Variants in MYT1L observed in about 807,000 individuals in gnomAD.
MYT1L encodes the protein myelin transcription factor 1-like protein.
A neutral mutation model predicts 126.7 loss-of-function variants in MYT1L; 12 were observed. The observed-to-expected ratio is 0.09, with a 90% CI of 0.06 to 0.15. The LOEUF is 0.15. Among genes scored for constraint, MYT1L ranks in the 10% least tolerant of loss-of-function variants. The pLI is 1.00. For missense variants in MYT1L, 979 were observed against 1,585.2 expected, an observed-to-expected ratio of 0.62 and a Z score of 6.49; for synonymous variants, 541 against 604.2, an observed-to-expected ratio of 0.90 and a Z score of 1.53.
intron 3 of MYT1L, among the ~76,000 whole-genome samples, chr2:2,150,905 G>C (rs2085664877): frequency 7.1e-6 from 1 of 140,672 alleles, no homozygotes; most frequent in Non-Finnish European, 1.6e-5. Context: ...GAAGGAGGGA[G>C]GGAGGGAGAC....
chr2:1,810,018 C>T (rs2036334885), intron 21 of MYT1L: 1 of 152,384 alleles, frequency 6.6e-6, no homozygotes, highest in South Asian at 2.1e-4. Context: ...GCCTTCCCTC[C>T]CTTCCAGGGG....
At chr2:2,265,416 TG>T (rs2095102337) in intron 2 of MYT1L, among the ~76,000 whole-genome samples, 1 of 152,122 alleles carries the variant, frequency 6.6e-6, no homozygotes, top group Admixed American at 6.5e-5. Flanking sequence ...GTACATAGCC[TG>T]TGTGGCATAT....
intron 2 of MYT1L, among the ~76,000 whole-genome samples, chr2:2,254,039 C>T (rs2094736943): frequency 6.6e-6 from 1 of 152,134 alleles, no homozygotes; most frequent in South Asian, 2.1e-4. Context: ...AAACCGAAGG[C>T]TCCCTGTGAT....
At chr2:2,263,755 A>G (rs570454197) in intron 2 of MYT1L, among the ~76,000 whole-genome samples, 2 of 152,224 alleles carry the variant, frequency 1.3e-5, no homozygotes, top group African/African-American at 4.8e-5. Flanking sequence ...CGCTCCTGGC[A>G]TCTGGGAGCT....
intron 2 of MYT1L, among the ~76,000 whole-genome samples, chr2:2,227,636 C>T (rs917079050): frequency 1.3e-5 from 2 of 152,202 alleles, no homozygotes; most frequent in Non-Finnish European, 2.9e-5. Context: ...TCCTGGTCTT[C>T]TGTCCTTTTC....
chr2:2,066,504 T>C (rs1391756510), intron 3 of MYT1L, among the ~76,000 whole-genome samples: 4 of 152,254 alleles, frequency 2.6e-5, no homozygotes, highest in Non-Finnish European at 5.9e-5. Context: ...ACATTTGTTG[T>C]GAATTTAAAT....
chr2:2,251,838 A>AAAGG (rs1210336481), intron 2 of MYT1L, among the ~76,000 whole-genome samples: 2 of 151,918 alleles, frequency 1.3e-5, no homozygotes, highest in East Asian at 3.9e-4. Context: ...AAAGAAAAAA[A>AAAGG]AAGGAAGGAA....
intron 3 of MYT1L, among the ~76,000 whole-genome samples, chr2:2,145,947 G>A (rs1208949843): frequency 6.6e-6 from 1 of 152,190 alleles, no homozygotes; most frequent in Non-Finnish European, 1.5e-5. Flanking sequence ...TGCTTAGAAT[G>A]TGAGGAAACA....
intron 3 of MYT1L, among the ~76,000 whole-genome samples, chr2:2,139,677 T>C (rs2083650918): frequency 2.0e-5 from 3 of 151,884 alleles, no homozygotes; most frequent in African/African-American, 7.2e-5. Flanking sequence ...TATAAAAAAG[T>C]GCATGTCCAG....
At chr2:2,206,010 T>A (rs1377501030) in intron 2 of MYT1L, among the ~76,000 whole-genome samples, 1 of 150,998 alleles carries the variant, frequency 6.6e-6, no homozygotes, top group African/African-American at 2.4e-5. Context: ...TGAAACAGGG[T>A]CTCACTTTGT....
chr2:1,924,122 G>GTGTGA (rs1412896066), intron 9 of MYT1L, among the ~76,000 whole-genome samples: 3 of 152,206 alleles, frequency 2.0e-5, no homozygotes, highest in Admixed American at 2.0e-4. Context: ...TTGGTGAGCG[G>GTGTGA]GTATAATGTG....
At position 1,989,411 on chromosome 2, in the gene MYT1L, G is replaced by A. The variant is rs115548327; in HGVS notation, c.-1+7780C>T. ...CAGGAGCTGCAGCCCGGCAATCCCAGGACAGAAGCGAGAGTGCACCCTACA... is the reference window on the plus strand; with the variant it reads ...CAGGAGCTGCAGCCCGGCAATCCCAAGACAGAAGCGAGAGTGCACCCTACA... On this transcript the variant is annotated intron_variant, in intron 5 of 24. Transcript: ENST00000647738. Among the ~76,000 whole-genome samples, 460 of 152,254 alleles carry A rather than the reference G, an allele frequency of 3.0e-3. 2 individuals carry two copies. Among genetic ancestry groups the A allele is most frequent in the African/African-American group, 0.011 (445 of 41,546 alleles).
intron 18 of MYT1L, among the ~76,000 whole-genome samples, chr2:1,853,445 A>G (rs1481540388): frequency 2.0e-5 from 3 of 146,552 alleles, no homozygotes; most frequent in Non-Finnish European, 4.5e-5. Flanking sequence ...TCAGTTGCTA[A>G]GTAATTATTG....
Position 1,979,833 on chromosome 2 carries a change from T to G in MYT1L, c.1-56A>C. 1 of 1,587,530 alleles carries G rather than the reference T, an allele frequency of 6.3e-7. No homozygotes were observed. The highest frequency in any genetic ancestry group is 1.1e-5 in the South Asian group (1 of 90,156). On this transcript the variant is annotated intron_variant, in intron 5 of 24. Transcript: ENST00000647738. The surrounding 1 kb of genome is among the most constrained non-coding windows in gnomAD (Gnocchi z 4.0). ...TTATCCTGCCTGTGCAGGCCAGCCC[T>G]GCAGGGGCGGCTCACTCTCCCTGGC... is the stretch of plus-strand genomic sequence containing the variant.
At chr2:2,253,375 C>G (rs1009178551) in intron 2 of MYT1L, among the ~76,000 whole-genome samples, 1 of 152,182 alleles carries the variant, frequency 6.6e-6, no homozygotes, top group African/African-American at 2.4e-5. Context: ...TTGGCTGAGT[C>G]AGCATATGAA....
chr2:1,955,544 G>A (rs1021802047), intron 8 of MYT1L, among the ~76,000 whole-genome samples: 2 of 152,172 alleles, frequency 1.3e-5, no homozygotes, highest in Non-Finnish European at 2.9e-5. Context: ...GTTAGTGCAA[G>A]CAAAATACAA....
intron 2 of MYT1L, among the ~76,000 whole-genome samples, chr2:2,242,233 C>T (rs1370962399): frequency 2.0e-5 from 3 of 152,176 alleles, no homozygotes; most frequent in African/African-American, 7.2e-5. Context: ...CCAGATCCAT[C>T]TTTTTCCCTC....
intron 9 of MYT1L, among the ~76,000 whole-genome samples, chr2:1,933,969 ATTT>A (rs920521570): frequency 8.9e-6 from 1 of 111,750 alleles, no homozygotes; most frequent in Admixed American, 9.3e-5. Flanking sequence ...TCTAATTTTG[ATTT>A]TTTTTTTTTT....
intron 3 of MYT1L, among the ~76,000 whole-genome samples, chr2:2,071,894 G>A (rs2074646436): frequency 6.6e-6 from 1 of 152,156 alleles, no homozygotes; most frequent in Non-Finnish European, 1.5e-5. Context: ...GAGACCAGAG[G>A]CACTGAAGAG....
Sources: allele counts gnomAD v4.1 joint callset (sites outside exome capture counted in the v4.1 genomes callset), GRCh38; gene constraint gnomAD v4.1.1; non-coding constraint Gnocchi (gnomAD v3.1); transcripts MANE v1.5; gene names NCBI Gene and HGNC (gene_info 2026-07-23, HGNC 2026-07-21).